The following SMCO4 variants were observed in gnomAD, a reference collection of about 807,000 sequenced individuals.
SMCO4 encodes single-pass membrane protein with coiled-coil domains 4.
In SMCO4, 4 loss-of-function variants were observed where a neutral mutation model predicts 3.6. That is an observed-to-expected ratio of 1.11 (90% CI 0.54 to 2.53). The LOEUF (loss-of-function observed/expected upper bound fraction) is 2.53. SMCO4 is among the 30% of genes most tolerant of loss of function. SMCO4 has a pLI of 0.02. For synonymous variants in SMCO4, 36 were observed against 35.3 expected (o/e 1.02, Z -0.07); for missense variants, 70 against 80.8 (o/e 0.87, Z 0.51).
intron 1 of SMCO4, among the ~76,000 whole-genome samples, chr11:93,499,805 C>G (rs989637066): frequency 1.3e-5 from 2 of 152,092 alleles, no homozygotes; most frequent in Non-Finnish European, 2.9e-5. Context: ...TAAACCAAAG[C>G]CTTGGGAAAA....
At chr11:93,484,602 G>C (rs1012485776) in intron 2 of SMCO4, among the ~76,000 whole-genome samples, 1 of 152,144 alleles carries the variant, frequency 6.6e-6, no homozygotes, top group Non-Finnish European at 1.5e-5. Flanking sequence ...CATACCAGAG[G>C]CTCAATAAAT....
Position 93,478,526 on chromosome 11 carries a change from A to G in SMCO4, c.*484T>C, listed in dbSNP as rs896408203. On this transcript the variant is annotated 3_prime_UTR_variant, in exon 3 of 3. Coordinates refer to ENST00000298966, the MANE Select transcript of SMCO4 (RefSeq NM_020179.3). ...AATAAATATTTCACTTTGATTCAAC[A>G]TATTTCAAATCACATTAAGCACAGA... 1 of 152,916 alleles carries G rather than the reference A, an allele frequency of 6.5e-6. No homozygotes were observed. The highest frequency in any genetic ancestry group is 1.5e-5 in the Non-Finnish European group (1 of 68,558). 9.5% of individuals were successfully genotyped at this position (152,916 alleles called of 1,614,324 possible). A position where few individuals can be genotyped will look rare whatever the true frequency, so the allele number is the denominator to read the frequency against.
At chr11:93,546,527 T>A (rs1229870582), upstream of SMCO4, among the ~76,000 whole-genome samples, 1 of 152,212 alleles carries the variant, frequency 6.6e-6, no homozygotes, top group Non-Finnish European at 1.5e-5. Context: ...ACATCAGAGA[T>A]GGAGTTAGAG....
chr11:93,524,676 C>T (rs969231953), intron 1 of SMCO4, among the ~76,000 whole-genome samples: 4 of 152,146 alleles, frequency 2.6e-5, no homozygotes, highest in Non-Finnish European at 5.9e-5. Context: ...ACACTCCCCG[C>T]TACAAAAGTG....
chr11:93,504,215 A>G (rs1399064196), intron 1 of SMCO4, among the ~76,000 whole-genome samples: 2 of 152,230 alleles, frequency 1.3e-5, no homozygotes, highest in African/African-American at 4.8e-5. Context: ...CAAAAACTCA[A>G]TGGGAATTTC....
intron 1 of SMCO4, among the ~76,000 whole-genome samples, chr11:93,526,625 T>A (rs1325302134): frequency 6.6e-6 from 1 of 152,166 alleles, no homozygotes; most frequent in African/African-American, 2.4e-5. Flanking sequence ...TCCATCCTCC[T>A]CACATCTCCA....
At chr11:93,489,693 A>G (rs1252757173) in intron 2 of SMCO4, among the ~76,000 whole-genome samples, 2 of 152,268 alleles carry the variant, frequency 1.3e-5, no homozygotes, top group Non-Finnish European at 2.9e-5. Context: ...AGTCCCTGGC[A>G]TAGGCCCTGA....
chr11:93,544,762 C>T (rs146770847), upstream of SMCO4, among the ~76,000 whole-genome samples: 344 of 152,158 alleles, frequency 2.3e-3, 1 homozygote, highest in African/African-American at 7.9e-3. Context: ...GTCCCCTCAA[C>T]GGTAAACTGT....
intron 2 of SMCO4, among the ~76,000 whole-genome samples, chr11:93,496,904 C>T (rs964410019): frequency 2.0e-5 from 3 of 152,102 alleles, no homozygotes; most frequent in African/African-American, 7.2e-5. Context: ...TGGTCCTGGG[C>T]CCCAACGCTT....
At chr11:93,533,933 T>A (rs568473096) in intron 1 of SMCO4, among the ~76,000 whole-genome samples, 36 of 152,238 alleles carry the variant, frequency 2.4e-4, no homozygotes, top group Admixed American at 2.3e-3. Flanking sequence ...ACGCCTGTAA[T>A]CCCAACACTT....
chr11:93,486,113 T>A (rs1343902117), intron 2 of SMCO4, among the ~76,000 whole-genome samples: 1 of 152,228 alleles, frequency 6.6e-6, no homozygotes, highest in East Asian at 1.9e-4. Context: ...GCTTCCTGAA[T>A]GCTCAATACC....
chr11:93,482,594 G>A (rs1308148337), intron 2 of SMCO4, among the ~76,000 whole-genome samples: 1 of 152,218 alleles, frequency 6.6e-6, no homozygotes, highest in Non-Finnish European at 1.5e-5. Context: ...CAGAGAAAAG[G>A]AGTGAGGCAA....
upstream of SMCO4, among the ~76,000 whole-genome samples, chr11:93,546,996 G>A (rs1198020314): frequency 1.3e-5 from 2 of 152,082 alleles, no homozygotes; most frequent in African/African-American, 4.8e-5. Context: ...GCTAAATCCC[G>A]CTTTCCAGAA....
At chr11:93,489,770 C>A (rs1026424608) in intron 2 of SMCO4, among the ~76,000 whole-genome samples, 9 of 152,136 alleles carry the variant, frequency 5.9e-5, no homozygotes, top group African/African-American at 2.2e-4. Flanking sequence ...CTCTCCACAG[C>A]TGTCCCTCAC....
upstream of SMCO4, among the ~76,000 whole-genome samples, chr11:93,545,606 A>AG (rs1164277539): frequency 2.6e-5 from 4 of 151,268 alleles, no homozygotes; most frequent in African/African-American, 7.3e-5. Flanking sequence ...AAAAAAAAAA[A>AG]AAAGAGAGAG....
rs1221453623 is a variant in SMCO4, at chr11:93,487,445, G to C, written c.-80-8176C>G. Among the ~76,000 whole-genome samples, 3 of 152,304 alleles carry C rather than the reference G, an allele frequency of 2.0e-5. No homozygotes were observed. The East Asian group carries it at 5.8e-4, about 29-fold the overall frequency. On this transcript the variant is annotated intron_variant, in intron 2 of 2. Coordinates refer to ENST00000298966, the MANE Select transcript of SMCO4 (RefSeq NM_020179.3). ...TGACCTGAAGGCCAGTGGGTGTATG[G>C]AGGGGAGGAGGGATCATAGCTACAG...
chr11:93,525,768 G>A (rs1363674532), intron 1 of SMCO4, among the ~76,000 whole-genome samples: 3 of 152,154 alleles, frequency 2.0e-5, no homozygotes, highest in Non-Finnish European at 2.9e-5. Context: ...CTTAGTCTTC[G>A]AGTACCATTC....
chr11:93,505,541 A>G (rs1439689785), intron 1 of SMCO4, among the ~76,000 whole-genome samples: 1 of 152,252 alleles, frequency 6.6e-6, no homozygotes, highest in Non-Finnish European at 1.5e-5. Flanking sequence ...TATTTCCCAA[A>G]GAAAATTCCA....
rs141767698 is a variant in SMCO4 at position 93,481,315 on chromosome 11, G to A, written c.-80-2046C>T. 148 of 413,706 alleles carry A rather than the reference G, an allele frequency of 3.6e-4. No homozygotes were observed. In the Middle Eastern group the frequency reaches 3.6e-3, roughly 10 times the overall value. 25.6% of individuals were successfully genotyped at this position (413,706 alleles called of 1,614,324 possible). A position where few individuals can be genotyped will look rare whatever the true frequency, so the allele number is the denominator to read the frequency against. On this transcript the variant is annotated intron_variant, in intron 2 of 2. Coordinates refer to ENST00000298966, the MANE Select transcript of SMCO4 (RefSeq NM_020179.3). ...TGCATCTGTACCCAGAGCTCTGCCC[G>A]CCCGCAGGGACGCGGTACAGGTGGG...
Sources: allele counts gnomAD v4.1 joint callset (sites outside exome capture counted in the v4.1 genomes callset), GRCh38; gene constraint gnomAD v4.1.1; transcripts MANE v1.5; gene names NCBI Gene and HGNC (gene_info 2026-07-23, HGNC 2026-07-21).